The following ANO6 variants were observed in gnomAD, a reference collection of about 807,000 sequenced individuals.
ANO6 encodes anoctamin 6, also known as anoctamin-6.
Under a neutral mutation model 117.5 loss-of-function variants are expected in ANO6, and 106 were observed. That is an observed-to-expected ratio of 0.90 (90% CI 0.77 to 1.06). The LOEUF (loss-of-function observed/expected upper bound fraction) is 1.06. Among genes scored for constraint, ANO6 ranks in the 50% least tolerant of loss-of-function variants. The pLI, the probability that ANO6 is intolerant of heterozygous loss-of-function variation, is 0.00. For missense variants in ANO6, 955 were observed against 1,121.1 expected (o/e 0.85, Z 2.12); for synonymous variants, 367 against 385.1 (o/e 0.95, Z 0.55).
At chr12:45,436,449 T>C (rs537499445), downstream of ANO6, among the ~76,000 whole-genome samples, 5 of 152,282 alleles carry the variant, frequency 3.3e-5, no homozygotes, top group African/African-American at 1.2e-4. Flanking sequence ...TCCATAACAA[T>C]GGGGCTTGTT....
chr12:45,425,621 A>G (rs548239213), intron 19 of ANO6, among the ~76,000 whole-genome samples: 1 of 152,360 alleles, frequency 6.6e-6, no homozygotes, highest in South Asian at 2.1e-4. Flanking sequence ...ACCTTAAATT[A>G]CAGCAGAAGT....
chr12:45,350,099 G>T (rs1310241595), intron 6 of ANO6, among the ~76,000 whole-genome samples: 1 of 152,198 alleles, frequency 6.6e-6, no homozygotes, highest in Non-Finnish European at 1.5e-5. Flanking sequence ...AGAAAAAAAG[G>T]CAACTGGATT....
intron 15 of ANO6, among the ~76,000 whole-genome samples, chr12:45,406,995 C>T (rs1443876240): frequency 6.6e-6 from 1 of 152,114 alleles, no homozygotes; most frequent in South Asian, 2.1e-4. Context: ...TATTTTGTAA[C>T]CCCTGCTTCT....
At chr12:45,232,989 TTTCCTC>T (rs1187616024) in intron 1 of ANO6, among the ~76,000 whole-genome samples, 1 of 152,192 alleles carries the variant, frequency 6.6e-6, no homozygotes, top group African/African-American at 2.4e-5. Context: ...CACTCCATCT[TTTCCTC>T]TTGAGGAAGG....
At chr12:45,365,773 G>A (rs917125575) in intron 8 of ANO6, among the ~76,000 whole-genome samples, 3 of 152,176 alleles carry the variant, frequency 2.0e-5, no homozygotes, top group African/African-American at 7.2e-5. Context: ...TAGAGATTTA[G>A]CCAGTTTTCC....
chr12:45,367,630 A>C, intron 8 of ANO6, 58 bp from the exon 9 acceptor site: 1 of 1,385,244 alleles, frequency 7.2e-7, no homozygotes, highest in Non-Finnish European at 1.0e-6. Flanking sequence ...AATGGATATT[A>C]GATTTTATCA....
At chr12:45,421,027 A>G in intron 17 of ANO6, 44 bp from the exon 18 acceptor site, 3 of 1,607,218 alleles carry the variant, frequency 1.9e-6, no homozygotes, top group Non-Finnish European at 2.6e-6. Flanking sequence ...CTCAAAAACA[A>G]AAAACTATAA....
intron 1 of ANO6, among the ~76,000 whole-genome samples, chr12:45,244,232 G>A (rs139728627): frequency 1.5e-3 from 234 of 152,232 alleles, no homozygotes; most frequent in African/African-American, 4.7e-3. Flanking sequence ...TCACAGTTTG[G>A]GAATCAGGCT....
chr12:45,376,815 A>C (rs535364188), intron 9 of ANO6, among the ~76,000 whole-genome samples: 8 of 152,034 alleles, frequency 5.3e-5, no homozygotes, highest in East Asian at 1.9e-4. Context: ...AACTAACCTG[A>C]ACAATGTGCA....
chr12:45,243,000 G>T (rs117710172), intron 1 of ANO6, among the ~76,000 whole-genome samples: 2,861 of 152,274 alleles, frequency 0.019, 54 homozygotes, highest in East Asian at 0.068. Context: ...TATAAGTAAT[G>T]AGAAATTATT....
At chr12:45,275,865 C>T (rs762118170) in intron 1 of ANO6, among the ~76,000 whole-genome samples, 8 of 152,112 alleles carry the variant, frequency 5.3e-5, no homozygotes, top group Non-Finnish European at 8.8e-5. Context: ...TAAGCCATAC[C>T]TCTTCTGTCT....
chr12:45,266,657 C>T (rs190764379), intron 1 of ANO6, among the ~76,000 whole-genome samples: 94 of 152,160 alleles, frequency 6.2e-4, no homozygotes, highest in African/African-American at 2.0e-3. Flanking sequence ...ATTAGCTGAG[C>T]GTGGTAGCAT....
chr12:45,309,993 G>A (rs1052957186), intron 2 of ANO6, among the ~76,000 whole-genome samples: 1 of 152,114 alleles, frequency 6.6e-6, no homozygotes, highest in African/African-American at 2.4e-5. Context: ...CCCATTTGCT[G>A]TGGTAGGAAT....
intron 17 of ANO6, among the ~76,000 whole-genome samples, chr12:45,420,852 C>T (rs960197648): frequency 1.3e-5 from 2 of 151,990 alleles, no homozygotes; most frequent in Non-Finnish European, 2.9e-5. Flanking sequence ...TGACAAAACC[C>T]TGTCTCTACT....
At chr12:45,413,204 G>A (rs1035631310) in intron 16 of ANO6, among the ~76,000 whole-genome samples, 5 of 152,200 alleles carry the variant, frequency 3.3e-5, no homozygotes, top group African/African-American at 1.2e-4. Context: ...GATTCGTGGT[G>A]GGAGGGAGAT....
chr12:45,360,829 T>C (rs983613539), intron 8 of ANO6, among the ~76,000 whole-genome samples: 3 of 152,204 alleles, frequency 2.0e-5, no homozygotes, highest in South Asian at 2.1e-4. Flanking sequence ...ACCAGCACCG[T>C]TTTTGAAAAG....
intron 1 of ANO6, among the ~76,000 whole-genome samples, chr12:45,221,257 C>G (rs1026926108): frequency 1.3e-5 from 2 of 152,180 alleles, no homozygotes; most frequent in Non-Finnish European, 2.9e-5. Context: ...ATTGAGAGTA[C>G]AGAAGGAGAA....
Position 45,322,024 on chromosome 12 carries a change from T to C in ANO6, c.151-9271T>C, listed in dbSNP as rs1274175061. On this transcript the variant is annotated intron_variant, in intron 2 of 19. Transcript: ENST00000320560. ...GTCCAGTCTGGTGCCAATGTGGGAT[T>C]GTGCTAAGGTGCTGGCAGTTTTACC... Among the ~76,000 whole-genome samples the C allele has an allele frequency of 3.3e-5, 5 of 152,260 alleles. No homozygotes were observed. The East Asian group carries it at 9.7e-4, about 29-fold the overall frequency.
intron 3 of ANO6, among the ~76,000 whole-genome samples, chr12:45,335,158 T>G (rs2137412902): frequency 6.6e-6 from 1 of 152,186 alleles, no homozygotes; most frequent in Middle Eastern, 3.4e-3. Context: ...GTATTTCATA[T>G]CTGACCTTAA....
Sources: allele counts gnomAD v4.1 joint callset (sites outside exome capture counted in the v4.1 genomes callset), GRCh38; gene constraint gnomAD v4.1.1; transcripts MANE v1.5; gene names NCBI Gene and HGNC (gene_info 2026-07-23, HGNC 2026-07-21).